The following CUX2 variants were observed in gnomAD, a reference collection of about 807,000 sequenced individuals.
CUX2 encodes the protein cut like homeobox 2.
In CUX2, 40 loss-of-function variants were observed where a neutral mutation model predicts 144.8. The ratio of observed to expected loss-of-function variants is 0.28; its 90% CI spans 0.21 to 0.36. CUX2 has a LOEUF of 0.36. Ranked by LOEUF, CUX2 falls within the 10% of genes least tolerant of loss-of-function variation. The probability of loss-of-function intolerance (pLI) is 1.00; values close to 1 mark genes in which losing one functional copy is unlikely to be tolerated. For synonymous variants in CUX2, 827 were observed against 875.6 expected (o/e 0.94, Z 0.98); for missense variants, 1,615 against 1,994.0 (o/e 0.81, Z 3.62).
rs377448761 is a variant in CUX2 at position 111,101,715 on chromosome 12, G to A, written c.63+67475G>A. Among the ~76,000 whole-genome samples the A allele has an allele frequency of 4.6e-5, 7 of 152,306 alleles. No homozygotes were observed. In the South Asian group the frequency reaches 1.5e-3, roughly 32 times the overall value. On this transcript the variant is annotated intron_variant, in intron 1 of 21. Transcript: ENST00000261726. ...TCTCTGAGCCTTAGTCTTCCCACCT[G>A]TAAAATGAGAGTCATAACAGAGCCA...
chr12:111,321,232 G>C (rs1308539897), intron 17 of CUX2, among the ~76,000 whole-genome samples: 2 of 151,910 alleles, frequency 1.3e-5, no homozygotes, highest in African/African-American at 4.8e-5. Context: ...ACTTTGGGAG[G>C]CTGAGGCGGG....
intron 1 of CUX2, among the ~76,000 whole-genome samples, chr12:111,090,474 A>G (rs180927838): frequency 6.6e-6 from 1 of 152,246 alleles, no homozygotes; most frequent in East Asian, 1.9e-4. Flanking sequence ...CATGTTGGCC[A>G]GGCTGATCTC....
chr12:111,233,236 A>G (rs1882568815), intron 3 of CUX2, among the ~76,000 whole-genome samples: 2 of 152,140 alleles, frequency 1.3e-5, no homozygotes, highest in African/African-American at 4.8e-5. Context: ...TGCTCTGCCA[A>G]GCACAGCATC....
chr12:111,113,943 G>A (rs927611203), intron 1 of CUX2, among the ~76,000 whole-genome samples: 19 of 152,192 alleles, frequency 1.2e-4, no homozygotes, highest in Admixed American at 2.6e-4. Context: ...TTACTGAAAA[G>A]TGTTCCATTG....
chr12:111,320,021 A>C lies in CUX2; in HGVS notation c.2012A>C (p.Lys671Thr). The change falls in exon 17 of 22, where the codon AAG becomes ACG. Residue 671 changes from lysine to threonine, a missense_variant. Transcript: ENST00000261726. This position sits in a 1 kb window ranked among gnomAD's most constrained non-coding sequence, Gnocchi z 8.1. ...GTCCCCCTCCCCGCAGGCGAGCCCA[A>C]GACCTCGGTGGCCCCGCTGAGCATC... is the stretch of plus-strand genomic sequence containing the variant. ...EIESQKGGEP[K>T]TSVAPLSIAN... 1 of 1,527,554 alleles carries C rather than the reference A, an allele frequency of 6.5e-7. No individual in the cohort carries two copies. The highest frequency in any genetic ancestry group is 8.7e-7 in the Non-Finnish European group (1 of 1,143,128). The allele number at this position is 1,527,554 out of a possible 1,614,324, so 94.6% of individuals were successfully genotyped here.
chr12:111,068,120 C>A lies in CUX2; in HGVS notation c.63+33880C>A, dbSNP rs1036039563. ...GCGAAGTCCCTCCCGTGTCCCCAAGCCCACCACACCTGCTTCGTTCTGCAT... is the reference window on the plus strand; with the variant it reads ...GCGAAGTCCCTCCCGTGTCCCCAAGACCACCACACCTGCTTCGTTCTGCAT... On this transcript the variant is annotated intron_variant, in intron 1 of 21. Transcript: ENST00000261726. This position sits in a 1 kb window ranked among gnomAD's most constrained non-coding sequence, Gnocchi z 4.9. 6.6e-6 allele frequency among the ~76,000 whole-genome samples: 1 copy of A among 152,090 alleles called. No individual in the cohort carries two copies. Among genetic ancestry groups the A allele is most frequent in the Non-Finnish European group, 1.5e-5 (1 of 68,024 alleles).
At position 111,160,507 on chromosome 12, in the gene CUX2, T is replaced by C. The variant is rs1393822580; in HGVS notation, c.64-53693T>C. On this transcript the variant is annotated intron_variant, in intron 1 of 21. Transcript: ENST00000261726. The surrounding 1 kb of genome is among the most constrained non-coding windows in gnomAD (Gnocchi z 4.1). ...ACGTGCAGTGTGTCAGGGAGGGCCC[T>C]TCCTGGTCCAAGAACTCGCGTGACC... is the stretch of plus-strand genomic sequence containing the variant. Among the ~76,000 whole-genome samples, 2 of 152,136 alleles carry C rather than the reference T, an allele frequency of 1.3e-5. No homozygotes were observed. Among genetic ancestry groups the C allele is most frequent in the Non-Finnish European group, 2.9e-5 (2 of 68,008 alleles).
At chr12:111,060,747 G>T (rs1337237169) in intron 1 of CUX2, among the ~76,000 whole-genome samples, 1 of 152,178 alleles carries the variant, frequency 6.6e-6, no homozygotes, top group Non-Finnish European at 1.5e-5. Flanking sequence ...GCTCTGGAAG[G>T]TTCTGTTGGA....
chr12:111,325,381 C>T (rs1887727049), intron 18 of CUX2, among the ~76,000 whole-genome samples: 1 of 152,104 alleles, frequency 6.6e-6, no homozygotes, highest in African/African-American at 2.4e-5. Context: ...GTGCTTTGTC[C>T]TGTAATCTTC....
intron 18 of CUX2, among the ~76,000 whole-genome samples, chr12:111,324,404 G>A (rs1887678350): frequency 6.6e-6 from 1 of 151,798 alleles, no homozygotes; most frequent in Non-Finnish European, 1.5e-5. Context: ...CCCCCCAGCT[G>A]GGGAGGGAGG....
chr12:111,088,268 G>A (rs1194117746), intron 1 of CUX2, among the ~76,000 whole-genome samples: 1 of 152,040 alleles, frequency 6.6e-6, no homozygotes, highest in East Asian at 1.9e-4. Flanking sequence ...ACCCTTGGGG[G>A]AAATTGGGTG....
At chr12:111,125,482 A>T (rs1308787464) in intron 1 of CUX2, among the ~76,000 whole-genome samples, 2 of 152,158 alleles carry the variant, frequency 1.3e-5, no homozygotes, top group African/African-American at 2.4e-5. Context: ...CCCGGCCTGG[A>T]TATTTCATAT....
chr12:111,208,059 C>T (rs998478636), intron 1 of CUX2, among the ~76,000 whole-genome samples: 2 of 151,988 alleles, frequency 1.3e-5, no homozygotes, highest in Admixed American at 1.3e-4. Context: ...TGGGAGGGAC[C>T]CAGGGACACC....
chr12:111,138,176 G>A (rs1270924490), intron 1 of CUX2, among the ~76,000 whole-genome samples: 1 of 152,208 alleles, frequency 6.6e-6, no homozygotes, highest in African/African-American at 2.4e-5. Context: ...TGCCAGTCTC[G>A]CTCCACGCAC....
Position 111,068,829 on chromosome 12 carries a change from G to A in CUX2, c.63+34589G>A, listed in dbSNP as rs1303259724. Among the ~76,000 whole-genome samples the A allele has an allele frequency of 1.3e-5, 2 of 151,528 alleles. No homozygotes were observed. Among genetic ancestry groups the A allele is most frequent in the Non-Finnish European group, 2.9e-5 (2 of 67,858 alleles). ...TGGTTAAGAATGTGGCCCTGGGCAG[G>A]GTTTGGTGGCTCATGCCTGTCATCC... On this transcript the variant is annotated intron_variant, in intron 1 of 21. Coordinates refer to ENST00000261726, the MANE Select transcript of CUX2 (RefSeq NM_015267.4). The surrounding 1 kb of genome is among the most constrained non-coding windows in gnomAD (Gnocchi z 4.9).
In CUX2 at chr12:111,312,428, C is replaced by T. The variant is rs544439501; in HGVS notation, c.2002+227C>T. ...TAAAATCTCAACCCTTGGCCAGGCG[C>T]AGTGGCTCATGCCTGTAATCCCAGC... is the stretch of plus-strand genomic sequence containing the variant. On this transcript the variant is annotated intron_variant, in intron 16 of 21. Transcript: ENST00000261726. This position sits in a 1 kb window ranked among gnomAD's most constrained non-coding sequence, Gnocchi z 4.3. 6.6e-5 allele frequency among the ~76,000 whole-genome samples: 10 copies of T among 152,208 alleles called. No homozygotes were observed. Among genetic ancestry groups the T allele is most frequent in the Non-Finnish European group, 1.5e-4 (10 of 68,036 alleles).
chr12:111,156,644 G>A (rs1379421191), intron 1 of CUX2, among the ~76,000 whole-genome samples: 1 of 152,128 alleles, frequency 6.6e-6, no homozygotes, highest in Non-Finnish European at 1.5e-5. Flanking sequence ...GCAGCCTGGT[G>A]AGCCCAAAGC....
At chr12:111,038,400 T>C (rs1378999331) in intron 1 of CUX2, among the ~76,000 whole-genome samples, 1 of 152,238 alleles carries the variant, frequency 6.6e-6, no homozygotes, top group Admixed American at 6.5e-5. Flanking sequence ...CGAGGTCCAA[T>C]TGCAGCCGAG....
At chr12:111,055,301 G>C (rs1188641548) in intron 1 of CUX2, among the ~76,000 whole-genome samples, 1 of 152,234 alleles carries the variant, frequency 6.6e-6, no homozygotes, top group Non-Finnish European at 1.5e-5. Flanking sequence ...CACCGTCAGA[G>C]CTGGTCACCA....
Sources: allele counts gnomAD v4.1 joint callset (sites outside exome capture counted in the v4.1 genomes callset), GRCh38; gene constraint gnomAD v4.1.1; non-coding constraint Gnocchi (gnomAD v3.1); transcripts MANE v1.5; gene names NCBI Gene and HGNC (gene_info 2026-07-23, HGNC 2026-07-21).